Variants in SMAD5 observed in about 807,000 individuals in gnomAD.
SMAD5 encodes MAD, mothers against decapentaplegic homolog 5.
Under a neutral mutation model 43.1 loss-of-function variants are expected in SMAD5, and 9 were observed. That is an observed-to-expected ratio of 0.21 (90% confidence interval 0.13 to 0.36). The LOEUF is 0.36. SMAD5 is among the 10% of genes least tolerant of loss of function. The pLI, the probability that SMAD5 is intolerant of heterozygous loss-of-function variation, is 1.00. For missense variants in SMAD5, 348 were observed against 574.0 expected (o/e 0.61, Z 4.02); for synonymous variants, 190 against 192.4 (o/e 0.99, Z 0.10).
rs1754616502 is a variant in SMAD5 at position 136,181,221 on chromosome 5, TGAG to T, written c.*3744_*3746del. ...ATATATAAATATCCTTTTTACTTCATGAGGAAGGAAGAATTTTTTGATAATTAC... is the reference window on the plus strand; with the variant it reads ...ATATATAAATATCCTTTTTACTTCATGAAGGAAGAATTTTTTGATAATTAC... On this transcript the variant is annotated 3_prime_UTR_variant, in exon 8 of 8. Transcript: ENST00000545279. 6.6e-6 allele frequency: 1 copy of T among 152,150 alleles called. No homozygotes were observed. Among genetic ancestry groups the T allele is most frequent in the Non-Finnish European group, 1.5e-5 (1 of 67,972 alleles). 9.4% of individuals were successfully genotyped at this position (152,150 alleles called of 1,614,324 possible).
At chr5:136,144,110 G>A (rs552792775) in intron 1 of SMAD5, among the ~76,000 whole-genome samples, 96 of 152,036 alleles carry the variant, frequency 6.3e-4, no homozygotes, top group South Asian at 2.7e-3. Context: ...TCATTCATAC[G>A]GCAGTTTTGA....
intron 2 of SMAD5, among the ~76,000 whole-genome samples, chr5:136,152,053 G>GA (rs1753488233): frequency 6.6e-6 from 1 of 152,026 alleles, no homozygotes; most frequent in African/African-American, 2.4e-5. Flanking sequence ...GTTTGCCTAG[G>GA]AAAAATCATC....
At chr5:136,160,116 G>T (rs1753776960) in intron 3 of SMAD5, among the ~76,000 whole-genome samples, 1 of 152,156 alleles carries the variant, frequency 6.6e-6, no homozygotes, top group Non-Finnish European at 1.5e-5. Flanking sequence ...TCTTAAAAAT[G>T]TATCTGTTAA....
In SMAD5 at chr5:136,179,211, A is replaced by G. The variant is rs1754534143; in HGVS notation, c.*1731A>G. 1 of 152,556 alleles carries G rather than the reference A, an allele frequency of 6.6e-6. No individual in the cohort carries two copies. The highest frequency in any genetic ancestry group is 2.4e-5 in the African/African-American group (1 of 41,454). The allele number at this position is 152,556 out of a possible 1,614,324, so 9.5% of individuals were successfully genotyped here. On this transcript the variant is annotated 3_prime_UTR_variant, in exon 8 of 8. Coordinates refer to ENST00000545279, the MANE Select transcript of SMAD5 (RefSeq NM_005903.7). ...AAAAGACATGAACGAACTCCAAAAT[A>G]TCCATTTAATCAATCATGTTTTTGG...
intron 5 of SMAD5, among the ~76,000 whole-genome samples, chr5:136,163,614 C>T (rs1409120494): frequency 2.0e-5 from 3 of 152,170 alleles, no homozygotes; most frequent in Non-Finnish European, 4.4e-5. Context: ...TGCGTATTTG[C>T]AGTCTATCCT....
At chr5:136,150,556 A>G (rs574837712) in intron 2 of SMAD5, among the ~76,000 whole-genome samples, 1 of 152,058 alleles carries the variant, frequency 6.6e-6, no homozygotes, top group Admixed American at 6.6e-5. Context: ...CAGTGACCAT[A>G]GCCTCTTCAG....
chr5:136,140,176 C>A (rs533625244), intron 1 of SMAD5, among the ~76,000 whole-genome samples: 6 of 152,242 alleles, frequency 3.9e-5, no homozygotes, highest in Non-Finnish European at 8.8e-5. Flanking sequence ...GCACATGCCA[C>A]CACACCCAGC....
chr5:136,156,764 G>A (rs1288782360), intron 3 of SMAD5, among the ~76,000 whole-genome samples: 1 of 152,142 alleles, frequency 6.6e-6, no homozygotes, highest in African/African-American at 2.4e-5. Flanking sequence ...CTTATTTTTT[G>A]TATACATTTT....
chr5:136,174,494 TAA>T lies in SMAD5; in HGVS notation c.1117_1118del (p.Lys373AspfsTer11). On this transcript the variant is annotated frameshift_variant, in exon 7 of 8. Coordinates refer to ENST00000545279, the MANE Select transcript of SMAD5 (RefSeq NM_005903.7). LOFTEE classifies it high-confidence loss of function. ...HHGFHPTTVC[K>X]IPSSCSLKIF... The stretch of plus-strand genomic sequence containing the variant: ...ATGGCTTTCATCCCACCACTGTCTG[TAA>T]GATTCCCAGCAGCTGCAGCCTCAAA... The T allele has an allele frequency of 6.2e-7, 1 of 1,613,924 alleles. No individual in the cohort carries two copies. The highest frequency in any genetic ancestry group is 8.5e-7 in the Non-Finnish European group (1 of 1,179,836).
In SMAD5 at chr5:136,177,611, C is replaced by T; in HGVS notation, c.*131C>T. The T allele has an allele frequency of 3.1e-6, 2 of 653,472 alleles. No homozygotes were observed. Among genetic ancestry groups the T allele is most frequent in the East Asian group, 2.8e-5 (1 of 35,974 alleles). 40.5% of individuals were successfully genotyped at this position (653,472 alleles called of 1,614,324 possible). ...TTATTTTTTTCTACATAATTGTGAC[C>T]AATACATTTGTATTTTGTGATGAAT... On this transcript the variant is annotated 3_prime_UTR_variant, in exon 8 of 8. Coordinates refer to ENST00000545279, the MANE Select transcript of SMAD5 (RefSeq NM_005903.7).
At chr5:136,157,632 CAT>C (rs1753682852) in intron 3 of SMAD5, among the ~76,000 whole-genome samples, 1 of 152,138 alleles carries the variant, frequency 6.6e-6, no homozygotes, top group South Asian at 2.1e-4. Flanking sequence ...CTAGATCCCT[CAT>C]ATGTGCAGTT....
chr5:136,177,668 T>C lies in SMAD5; in HGVS notation c.*188T>C, dbSNP rs1404463415. ...TTGTTTGTATTCATGTTCATGTGAT[T>C]AACTCTTAGAAGTGTTGTAAAAGAT... On this transcript the variant is annotated 3_prime_UTR_variant, in exon 8 of 8. Transcript: ENST00000545279. 1.9e-6 allele frequency: 1 copy of C among 536,544 alleles called. No homozygotes were observed. Among genetic ancestry groups the C allele is most frequent in the Admixed American group, 3.5e-5 (1 of 28,442 alleles). 33.2% of individuals were successfully genotyped at this position (536,544 alleles called of 1,614,324 possible).
intron 2 of SMAD5, among the ~76,000 whole-genome samples, chr5:136,151,381 T>C (rs954258570): frequency 6.6e-6 from 1 of 152,050 alleles, no homozygotes; most frequent in Non-Finnish European, 1.5e-5. Context: ...GGAGGTGACC[T>C]TTGAACAACT....
Position 136,177,612 on chromosome 5 carries a change from A to C in SMAD5, c.*132A>C. 2 of 646,576 alleles carry C rather than the reference A, an allele frequency of 3.1e-6. No homozygotes were observed. The highest frequency in any genetic ancestry group is 5.6e-5 in the East Asian group (2 of 35,928). The allele number at this position is 646,576 out of a possible 1,614,324, so 40.1% of individuals were successfully genotyped here. A position where few individuals can be genotyped will look rare whatever the true frequency, so the allele number is the denominator to read the frequency against. Reference sequence around the variant, plus strand: ...TATTTTTTTCTACATAATTGTGACCAATACATTTGTATTTTGTGATGAATC... The same window carrying C: ...TATTTTTTTCTACATAATTGTGACCCATACATTTGTATTTTGTGATGAATC... On this transcript the variant is annotated 3_prime_UTR_variant, in exon 8 of 8. Transcript: ENST00000545279.
intron 5 of SMAD5, among the ~76,000 whole-genome samples, chr5:136,166,068 A>G (rs1260995444): frequency 6.6e-6 from 1 of 151,978 alleles, no homozygotes; most frequent in East Asian, 1.9e-4. Context: ...CATATTCTTC[A>G]CATCCTCACC....
At chr5:136,152,084 C>T (rs1753488975) in intron 2 of SMAD5, among the ~76,000 whole-genome samples, 1 of 152,108 alleles carries the variant, frequency 6.6e-6, no homozygotes, top group African/African-American at 2.4e-5. Context: ...CTGGGCAAGA[C>T]AAGGCACAAG....
intron 1 of SMAD5, among the ~76,000 whole-genome samples, chr5:136,146,127 C>CTT (rs745469320): frequency 3.9e-5 from 6 of 151,908 alleles, no homozygotes; most frequent in Non-Finnish European, 7.4e-5. Context: ...AGTGCCTTGC[C>CTT]TTTTATAGGC....
chr5:136,174,610 C>G lies in SMAD5; in HGVS notation c.1232C>G (p.Thr411Ser). The change falls in exon 7 of 8, where the codon ACC (threonine) becomes AGC (serine). Residue 411 changes from threonine (T) to serine (S), a missense_variant. Coordinates refer to ENST00000545279, the MANE Select transcript of SMAD5 (RefSeq NM_005903.7). ...EAVYELTKMC[T>S]IRMSFVKGWG... ...GTATATGAGCTCACCAAAATGTGTA[C>G]CATTCGGATGAGTTTTGTCAAGGTG... is the stretch of plus-strand genomic sequence containing the variant. The G allele has an allele frequency of 6.2e-7, 1 of 1,611,678 alleles. No individual in the cohort carries two copies. Among genetic ancestry groups the G allele is most frequent in the Non-Finnish European group, 8.5e-7 (1 of 1,177,882 alleles).
At position 136,179,440 on chromosome 5, in the gene SMAD5, T is replaced by C. The variant is rs151235045; in HGVS notation, c.*1960T>C. ...TTAAAATGTTAGTTTGGTTTGACTT[T>C]CCACTTTGTCCTTTCTGCTCTTGTG... On this transcript the variant is annotated 3_prime_UTR_variant, in exon 8 of 8. Coordinates refer to ENST00000545279, the MANE Select transcript of SMAD5 (RefSeq NM_005903.7). 1.7e-3 allele frequency: 255 copies of C among 152,716 alleles called. 2 individuals are homozygous for C. Among genetic ancestry groups the C allele is most frequent in the East Asian group, 9.8e-3 (51 of 5,182 alleles). The allele number at this position is 152,716 out of a possible 1,614,324, so 9.5% of individuals were successfully genotyped here.
Sources: gnomAD v4.1 joint callset for allele counts (sites outside exome capture counted in the v4.1 genomes callset) on GRCh38, gnomAD v4.1.1 for gene constraint, MANE v1.5 for transcripts, NCBI Gene and HGNC (gene_info 2026-07-23, HGNC 2026-07-21) for gene names.